The following KCNC2 variants were observed in gnomAD, a reference collection of about 807,000 sequenced individuals.
KCNC2 encodes the protein voltage-gated potassium channel KCNC2.
In KCNC2, 21 loss-of-function variants were observed where a neutral mutation model predicts 44.5. That is an observed-to-expected ratio of 0.47 (90% CI 0.33 to 0.68). The LOEUF is 0.68. Among genes scored for constraint, KCNC2 ranks in the 30% least tolerant of loss-of-function variants. The pLI, the probability that KCNC2 is intolerant of heterozygous loss-of-function variation, is 0.01. For synonymous variants in KCNC2, 391 were observed against 339.1 expected, an observed-to-expected ratio of 1.15 and a Z score of -1.68; for missense variants, 589 against 826.2, an observed-to-expected ratio of 0.71 and a Z score of 3.52.
intron 2 of KCNC2, among the ~76,000 whole-genome samples, chr12:75,126,351 C>A (rs948223950): frequency 6.6e-6 from 1 of 152,118 alleles, no homozygotes; most frequent in South Asian, 2.1e-4. Flanking sequence ...TCTTTATTCA[C>A]GCACATATTT....
rs897321171 is a variant in KCNC2, at chr12:75,207,450, G to A, written c.534C>T (p.Asp178=). Residue 178 remains aspartate, a synonymous_variant, in exon 2 of 5, where the codon GAC becomes GAT. Coordinates refer to ENST00000549446, the MANE Select transcript of KCNC2 (RefSeq NM_139137.4). The surrounding 1 kb of genome is among the most constrained non-coding windows in gnomAD (Gnocchi z 4.1). ...IFETPDLIGG[D]PGDDEDLAAK... ...CCGCCAGGTCCTCGTCGTCGCCGGG[G>A]TCGCCGCCAATGAGGTCGGGGGTCT... The A allele has an allele frequency of 2.9e-5, 47 of 1,610,298 alleles. No homozygotes were observed. The highest frequency in any genetic ancestry group is 3.7e-5 in the Non-Finnish European group (44 of 1,178,686).
intron 2 of KCNC2, among the ~76,000 whole-genome samples, chr12:75,134,210 A>G (rs114764347): frequency 0.023 from 3,527 of 152,032 alleles, 140 homozygotes; most frequent in African/African-American, 0.08. Context: ...AGAGCATAGT[A>G]CTTAAAATAT....
chr12:75,084,290 T>TAGATGATA (rs200893949), intron 2 of KCNC2, among the ~76,000 whole-genome samples: 51,612 of 122,396 alleles, frequency 0.42, 11,241 homozygotes, highest in Non-Finnish European at 0.46. Flanking sequence ...GATAGATAGA[T>TAGATGATA]GATAGATAGA....
At chr12:75,206,665 C>T (rs2031710144) in intron 2 of KCNC2, among the ~76,000 whole-genome samples, 1 of 152,186 alleles carries the variant, frequency 6.6e-6, no homozygotes, top group Admixed American at 6.5e-5. Flanking sequence ...GCTCTCTGGT[C>T]AACTCACGGA....
In KCNC2 at chr12:75,131,877, G is replaced by A. The variant is rs968527892; in HGVS notation, c.687+75420C>T. ...TGATTTCAGCCCTGCAAAACCTTCA[G>A]GAAGGAATACCGTTGAGCCAGCTTT... On this transcript the variant is annotated intron_variant, in intron 2 of 4. Transcript: ENST00000549446. Among the ~76,000 whole-genome samples, 7 of 152,134 alleles carry A rather than the reference G, an allele frequency of 4.6e-5. No homozygotes were observed. The East Asian group carries it at 7.7e-4, about 17-fold the overall frequency.
chr12:75,057,629 T>C (rs915688936), intron 2 of KCNC2, among the ~76,000 whole-genome samples: 1 of 151,780 alleles, frequency 6.6e-6, no homozygotes, highest in African/African-American at 2.4e-5. Context: ...GGTGTCTATA[T>C]ATAAATGTGT....
chr12:75,098,190 T>A (rs1484255421), intron 2 of KCNC2, among the ~76,000 whole-genome samples: 1 of 152,192 alleles, frequency 6.6e-6, no homozygotes, highest in Non-Finnish European at 1.5e-5. Context: ...TATTTTATGT[T>A]AAAACACATT....
At chr12:75,067,399 A>G (rs1002757294) in intron 2 of KCNC2, among the ~76,000 whole-genome samples, 1 of 152,188 alleles carries the variant, frequency 6.6e-6, no homozygotes, top group Non-Finnish European at 1.5e-5. Flanking sequence ...ATTCATGTTT[A>G]AAAAATTCAT....
intron 2 of KCNC2, among the ~76,000 whole-genome samples, chr12:75,084,412 C>A (rs762701658): frequency 6.6e-6 from 1 of 151,858 alleles, no homozygotes. Flanking sequence ...AGAATTCCCA[C>A]GTGTTGCAGG....
At chr12:75,126,082 A>G (rs955515145) in intron 2 of KCNC2, among the ~76,000 whole-genome samples, 2 of 152,192 alleles carry the variant, frequency 1.3e-5, no homozygotes, top group African/African-American at 4.8e-5. Context: ...TGAGCTTATG[A>G]GCAAAACTAA....
intron 2 of KCNC2, among the ~76,000 whole-genome samples, chr12:75,052,081 TAC>T (rs371472697): frequency 2.0e-5 from 3 of 151,910 alleles, no homozygotes; most frequent in Admixed American, 6.6e-5. Context: ...AATATATGAC[TAC>T]ACACACACAC....
Position 75,135,586 on chromosome 12 carries a change from G to A in KCNC2, c.687+71711C>T, listed in dbSNP as rs114312663. Among the ~76,000 whole-genome samples the A allele has an allele frequency of 3.7e-3, 567 of 152,000 alleles. 5 individuals are homozygous for A. The highest frequency in any genetic ancestry group is 0.013 in the African/African-American group (552 of 41,520). On this transcript the variant is annotated intron_variant, in intron 2 of 4. Coordinates refer to ENST00000549446, the MANE Select transcript of KCNC2 (RefSeq NM_139137.4). ...ACTAGTAGATAATATTGATGTTACC[G>A]CAAAATCTGATAATTCCAGAACTTT...
intron 2 of KCNC2, among the ~76,000 whole-genome samples, chr12:75,141,391 A>T (rs1889641499): frequency 6.6e-6 from 1 of 152,224 alleles, no homozygotes; most frequent in Non-Finnish European, 1.5e-5. Context: ...AAATGAGCTT[A>T]AAACAGTAAC....
At chr12:75,110,915 T>C (rs965982115) in intron 2 of KCNC2, among the ~76,000 whole-genome samples, 16 of 152,220 alleles carry the variant, frequency 1.1e-4, no homozygotes, top group African/African-American at 3.9e-4. Flanking sequence ...AATTCTCTTG[T>C]TTTCCCTGAA....
intron 2 of KCNC2, among the ~76,000 whole-genome samples, chr12:75,062,076 C>T (rs1010867300): frequency 6.6e-6 from 1 of 152,004 alleles, no homozygotes; most frequent in Admixed American, 6.6e-5. Context: ...TCAGTGAATT[C>T]ATCTGTCCTA....
intron 2 of KCNC2, among the ~76,000 whole-genome samples, chr12:75,140,794 C>T (rs148559693): frequency 1.5e-3 from 233 of 151,306 alleles, no homozygotes; most frequent in African/African-American, 5.4e-3. Context: ...TTTAATGTAA[C>T]GATTAATGTC....
At chr12:75,140,437 A>AT (rs1285977431) in intron 2 of KCNC2, among the ~76,000 whole-genome samples, 1 of 151,108 alleles carries the variant, frequency 6.6e-6, no homozygotes, top group Non-Finnish European at 1.5e-5. Flanking sequence ...TCATACAAAT[A>AT]TAAGTAATTT....
chr12:75,178,123 A>T (rs1177696987), intron 2 of KCNC2, among the ~76,000 whole-genome samples: 1 of 151,998 alleles, frequency 6.6e-6, no homozygotes, highest in Non-Finnish European at 1.5e-5. Flanking sequence ...AAAATACTGA[A>T]GGCATGTCCT....
At chr12:75,101,731 T>C (rs1204457188) in intron 2 of KCNC2, among the ~76,000 whole-genome samples, 1 of 152,036 alleles carries the variant, frequency 6.6e-6, no homozygotes, top group Non-Finnish European at 1.5e-5. Flanking sequence ...AGTAATACTA[T>C]AGGGTTCTTC....
Sources: gnomAD v4.1 joint callset for allele counts (sites outside exome capture counted in the v4.1 genomes callset) on GRCh38, gnomAD v4.1.1 for gene constraint, Gnocchi (gnomAD v3.1) non-coding constraint, MANE v1.5 for transcripts, NCBI Gene and HGNC (gene_info 2026-07-23, HGNC 2026-07-21) for gene names.